Variants in RC3H1 observed in about 807,000 individuals in gnomAD.
RC3H1 encodes the protein ring finger and CCCH-type domains 1.
In RC3H1, 50 loss-of-function variants were observed where a neutral mutation model predicts 138.2. The observed-to-expected ratio is 0.36, with a 90% CI of 0.29 to 0.46. The LOEUF is 0.46. Among genes scored for constraint, RC3H1 ranks in the 20% least tolerant of loss-of-function variants. The pLI, the probability that RC3H1 is intolerant of heterozygous loss-of-function variation, is 1.00. For missense variants in RC3H1, 1,031 were observed against 1,388.1 expected (o/e 0.74, Z 4.09); for synonymous variants, 462 against 489.1 (o/e 0.94, Z 0.73).
chr1:173,941,180 G>C, intron 19 of RC3H1, 85 bp downstream of exon 19: 1 of 787,514 alleles, frequency 1.3e-6, no homozygotes, highest in Non-Finnish European at 2.2e-6. Flanking sequence ...ATATTTATGA[G>C]GGTATTTCTG....
chr1:173,958,785 G>GA (rs1553226528), intron 13 of RC3H1, among the ~76,000 whole-genome samples: 3 of 145,624 alleles, frequency 2.1e-5, no homozygotes, highest in Admixed American at 6.8e-5. Context: ...ACATTAACCA[G>GA]TTTTTTTTTT....
intron 6 of RC3H1, among the ~76,000 whole-genome samples, 171 bp downstream of exon 6, chr1:173,980,638 C>A (rs1660775032): frequency 6.6e-6 from 1 of 151,986 alleles, no homozygotes. Flanking sequence ...ATAAACTAAT[C>A]AAATCTTTAA....
intron 2 of RC3H1, among the ~76,000 whole-genome samples, chr1:173,992,046 A>G (rs369491630): frequency 3.3e-5 from 5 of 152,300 alleles, no homozygotes; most frequent in African/African-American, 1.2e-4. Flanking sequence ...ACTGAGTAAA[A>G]CTGCCTGAAG....
chr1:173,965,717 G>C (rs905604975), intron 9 of RC3H1, among the ~76,000 whole-genome samples: 1 of 152,196 alleles, frequency 6.6e-6, no homozygotes, highest in Admixed American at 6.5e-5. Context: ...TTAGAAGATA[G>C]TTTCTGAAAT....
chr1:173,955,298 G>A (rs1206718226), intron 13 of RC3H1, among the ~76,000 whole-genome samples: 4 of 143,720 alleles, frequency 2.8e-5, no homozygotes, highest in African/African-American at 5.2e-5. Context: ...ACAACATCAC[G>A]TTTGCAGTAA....
At chr1:173,988,735 G>T (rs1661140009) in intron 2 of RC3H1, among the ~76,000 whole-genome samples, 1 of 152,076 alleles carries the variant, frequency 6.6e-6, no homozygotes, top group Non-Finnish European at 1.5e-5. Flanking sequence ...TTGGATTTTG[G>T]CCATTTTAAT....
In RC3H1 at chr1:173,935,633, T is replaced by C. The variant is rs1658550182; in HGVS notation, c.*3088A>G. 6.6e-6 allele frequency: 1 copy of C among 151,434 alleles called. No individual in the cohort carries two copies. The highest frequency in any genetic ancestry group is 2.1e-4 in the South Asian group (1 of 4,816). 9.4% of individuals were successfully genotyped at this position (151,434 alleles called of 1,614,324 possible). A position where few individuals can be genotyped will look rare whatever the true frequency, so the allele number is the denominator to read the frequency against. ...CTTTTCAATTTTGATTTTAAAAAAG[T>C]AGTTACAGAGTCAAGCAGTTATGCC... is the stretch of plus-strand genomic sequence containing the variant. On this transcript the variant is annotated 3_prime_UTR_variant, in exon 20 of 20. Transcript: ENST00000367696.
At position 173,970,587 on chromosome 1, in the gene RC3H1, T is replaced by G. The variant is rs778573692; in HGVS notation, c.1252A>C (p.Met418Leu). The change falls in exon 9 of 20, where the codon ATG becomes CTG. Residue 418 changes from methionine to leucine, a missense_variant. By Grantham distance (15) the Met-to-Leu change is conservative (BLOSUM62 2). This residue lies in a region of RC3H1 where 142 missense variants were observed against 224.6 expected (regional missense o/e 0.63). Coordinates refer to ENST00000367696, the MANE Select transcript of RC3H1 (RefSeq NM_172071.4). ...CCTCTCTGCTTCATATCTCGACACA[T>G]GTATGTTTTGTATTTGCTATGCTGT... ...PPQHSKYKTY[M>L]CRDMKQRGGC... is the part of the protein sequence containing the mutation. 6.2e-7 allele frequency: 1 copy of G among 1,613,912 alleles called. No homozygotes were observed. The highest frequency in any genetic ancestry group is 1.1e-5 in the South Asian group (1 of 91,032).
At position 173,947,398 on chromosome 1, in the gene RC3H1, C is replaced by G; in HGVS notation, c.2708G>C (p.Gly903Ala). ...AGPMQAMAPQ[G>A]APTKSINISD... ...AATGTTAATAGATTTTGTAGGAGCT[C>G]CCTGAGGTGCCATAGCCTGCATTGG... is the stretch of plus-strand genomic sequence containing the variant. The change falls in exon 15 of 20, where the codon GGA (glycine) becomes GCA (alanine). Residue 903 changes from glycine (G) to alanine (A), a missense_variant. Physicochemically the swap from Gly to Ala is moderately conservative, Grantham distance 60 (BLOSUM62 0). This residue lies in a region of RC3H1 where 716 missense variants were observed against 837.9 expected (regional missense o/e 0.85). Coordinates refer to ENST00000367696, the MANE Select transcript of RC3H1 (RefSeq NM_172071.4). 1 of 1,613,862 alleles carries G rather than the reference C, an allele frequency of 6.2e-7. No homozygotes were observed. Among genetic ancestry groups the G allele is most frequent in the Non-Finnish European group, 8.5e-7 (1 of 1,179,832 alleles).
At chr1:173,945,726 G>A (rs1402934528) in intron 17 of RC3H1, among the ~76,000 whole-genome samples, 1 of 136,734 alleles carries the variant, frequency 7.3e-6, no homozygotes. Flanking sequence ...TTTTTTTTTT[G>A]AGACGGAGTC....
chr1:173,961,005 T>C (rs1041659411), intron 13 of RC3H1, 72 bp downstream of exon 13: 222 of 1,431,960 alleles, frequency 1.6e-4, no homozygotes, highest in South Asian at 7.9e-4. Context: ...CCATTGGGAA[T>C]AGGCAAAGAT....
chr1:173,992,673 C>T (rs1273092270), intron 2 of RC3H1, 82 bp downstream of exon 2: 2 of 739,006 alleles, frequency 2.7e-6, no homozygotes, highest in Non-Finnish European at 4.2e-6. Flanking sequence ...ACGCACAACA[C>T]ACACACACAC....
intron 1 of RC3H1, among the ~76,000 whole-genome samples, chr1:173,998,392 C>T (rs1265698838): frequency 6.6e-6 from 1 of 152,132 alleles, no homozygotes; most frequent in Non-Finnish European, 1.5e-5. Context: ...ATAAGGACAC[C>T]TCTCCTACAA....
intron 1 of RC3H1, among the ~76,000 whole-genome samples, chr1:174,015,184 G>A (rs1432761030): frequency 6.6e-6 from 1 of 150,830 alleles, no homozygotes; most frequent in African/African-American, 2.4e-5. Context: ...CAAAGCAAGA[G>A]AACTTCTAAA....
chr1:173,937,629 CTAA>C lies in RC3H1; in HGVS notation c.*1089_*1091del, dbSNP rs1287090225. 2 of 152,200 alleles carry C rather than the reference CTAA, an allele frequency of 1.3e-5. No homozygotes were observed. Among genetic ancestry groups the C allele is most frequent in the Middle Eastern group, 3.4e-3 (1 of 292 alleles). 9.4% of individuals were successfully genotyped at this position (152,200 alleles called of 1,614,324 possible). On this transcript the variant is annotated 3_prime_UTR_variant, in exon 20 of 20. Transcript: ENST00000367696. ...TCAAACTATTTCCTACCTACTTATACTAATGATTCTGAGCAACAAGTGATCAAT... is the reference window on the plus strand; with the variant it reads ...TCAAACTATTTCCTACCTACTTATACTGATTCTGAGCAACAAGTGATCAAT...
At chr1:173,966,084 G>C (rs771815180) in intron 9 of RC3H1, among the ~76,000 whole-genome samples, 68 of 152,062 alleles carry the variant, frequency 4.5e-4, no homozygotes, top group Non-Finnish European at 8.1e-4. Context: ...AGGTTGCAGT[G>C]AGCCAAGATT....
At chr1:173,987,442 C>T (rs980792648) in intron 2 of RC3H1, among the ~76,000 whole-genome samples, 2 of 152,124 alleles carry the variant, frequency 1.3e-5, no homozygotes, top group Non-Finnish European at 2.9e-5. Context: ...TCAGTTGGCT[C>T]CTGTGTGCCT....
rs1381618350 is a variant in RC3H1, at chr1:173,932,652, T to C, written c.*6069A>G. ...GGAAAAAATAACTCTCAAGACAGTG[T>C]CTTAGTTGAATAGAGGATGTAAAAA... On this transcript the variant is annotated 3_prime_UTR_variant, in exon 20 of 20. Coordinates refer to ENST00000367696, the MANE Select transcript of RC3H1 (RefSeq NM_172071.4). 1 of 152,054 alleles carries C rather than the reference T, an allele frequency of 6.6e-6. No homozygotes were observed. Among genetic ancestry groups the C allele is most frequent in the Admixed American group, 6.6e-5 (1 of 15,258 alleles). 9.4% of individuals were successfully genotyped at this position (152,054 alleles called of 1,614,324 possible). A position where few individuals can be genotyped will look rare whatever the true frequency, so the allele number is the denominator to read the frequency against.
intron 2 of RC3H1, among the ~76,000 whole-genome samples, chr1:173,989,761 C>T (rs1661189439): frequency 6.9e-6 from 1 of 144,050 alleles, no homozygotes; most frequent in South Asian, 2.2e-4. Context: ...GCTCTGTCGC[C>T]CAGGCCGGAT....
Sources: allele counts gnomAD v4.1 joint callset (sites outside exome capture counted in the v4.1 genomes callset), GRCh38; gene constraint gnomAD v4.1.1; regional missense constraint gnomAD v4.1.1; transcripts MANE v1.5; gene names NCBI Gene and HGNC (gene_info 2026-07-23, HGNC 2026-07-21).